UVSSA: variants seen among roughly 807,000 people sequenced by gnomAD.
UVSSA encodes the protein UV-stimulated scaffold protein A.
Under a neutral mutation model 73.9 loss-of-function variants are expected in UVSSA, and 72 were observed. That is an observed-to-expected ratio of 0.97 (90% CI 0.81 to 1.19). UVSSA has a LOEUF of 1.19. Among genes scored for constraint, UVSSA ranks in the 50% most tolerant of loss-of-function variants. The pLI, the probability that UVSSA is intolerant of heterozygous loss-of-function variation, is 0.00. For missense variants in UVSSA, 1,150 were observed against 965.0 expected (o/e 1.19, Z -2.54); for synonymous variants, 454 against 391.3 (o/e 1.16, Z -1.89).
intron 2 of UVSSA, 22 bp downstream of exon 2, chr4:1,348,211 C>T: frequency 2.5e-6 from 4 of 1,573,606 alleles, no homozygotes; most frequent in Middle Eastern, 1.7e-4. Flanking sequence ...GGTTCAGTAA[C>T]AGTAACTGAC....
chr4:1,353,007 C>T (rs762126831), intron 4 of UVSSA, 23 bp from the exon 5 acceptor site: 3 of 1,593,250 alleles, frequency 1.9e-6, no homozygotes, highest in Admixed American at 3.4e-5. Flanking sequence ...GCGCAGCAAA[C>T]AGGTGTCTTG....
chr4:1,357,727 C>T (rs907198021), intron 7 of UVSSA, among the ~76,000 whole-genome samples: 5 of 152,254 alleles, frequency 3.3e-5, no homozygotes, highest in African/African-American at 7.2e-5. Flanking sequence ...TGGCTCCTGC[C>T]GTGTGTGGGC....
upstream of UVSSA, among the ~76,000 whole-genome samples, chr4:1,345,766 G>A (rs949872907): frequency 2.0e-5 from 3 of 152,088 alleles, no homozygotes; most frequent in Non-Finnish European, 1.5e-5. Context: ...CCCCGGGGCA[G>A]TGTAAAGGAG....
At chr4:1,343,642 C>T (rs6815180), upstream of UVSSA, among the ~76,000 whole-genome samples, 2,998 of 152,218 alleles carry the variant, frequency 0.02, 108 homozygotes, top group African/African-American at 0.067. Flanking sequence ...CACAAATTAG[C>T]CAGGCGTGGT....
intron 7 of UVSSA, among the ~76,000 whole-genome samples, chr4:1,360,178 C>T (rs566165349): frequency 6.6e-4 from 100 of 152,332 alleles, no homozygotes; most frequent in Non-Finnish European, 1.2e-3. Flanking sequence ...GGGCTGCCCA[C>T]GGGGGGCGGG....
At chr4:1,363,836 T>C (rs371140484) in intron 7 of UVSSA, among the ~76,000 whole-genome samples, 1 of 152,258 alleles carries the variant, frequency 6.6e-6, no homozygotes, top group Non-Finnish European at 1.5e-5. Flanking sequence ...GTTAGACTGA[T>C]AACAAAAATT....
At position 1,354,857 on chromosome 4, in the gene UVSSA, G is replaced by A. The variant is rs530937096; in HGVS notation, c.1047+10G>A. 3.5e-5 allele frequency: 56 copies of A among 1,583,938 alleles called. No homozygotes were observed. The Middle Eastern group carries it at 5.1e-4, about 14-fold the overall frequency. ...GTGCTCGTGGATCCAGGTGAGCCTCGAACCTGGGACCTGTGGGTGGAGGGA... is the reference window on the plus strand; with the variant it reads ...GTGCTCGTGGATCCAGGTGAGCCTCAAACCTGGGACCTGTGGGTGGAGGGA... On this transcript the variant is annotated intron_variant, in intron 6 of 13. Transcript: ENST00000389851.
rs1234873219 is a variant in UVSSA, at chr4:1,347,899, A to C, written c.-3+139A>C. The C allele has an allele frequency of 2.5e-5, 15 of 590,562 alleles. No individual in the cohort carries two copies. The Admixed American group carries it at 4.5e-4, about 18-fold the overall frequency. 36.6% of individuals were successfully genotyped at this position (590,562 alleles called of 1,614,324 possible). On this transcript the variant is annotated intron_variant, in intron 1 of 13. Coordinates refer to ENST00000389851, the MANE Select transcript of UVSSA (RefSeq NM_020894.4). Reference sequence around the variant, plus strand: ...GTCCCGAGTTTAAGGTTCACTTTTAAAACTGCAATCACCGCCGTAAAGGCC... The same window carrying C: ...GTCCCGAGTTTAAGGTTCACTTTTACAACTGCAATCACCGCCGTAAAGGCC...
rs558497344 is a variant in UVSSA at position 1,360,186 on chromosome 4, G to A, written c.1176+4941G>A. On this transcript the variant is annotated intron_variant, in intron 7 of 13. Coordinates refer to ENST00000389851, the MANE Select transcript of UVSSA (RefSeq NM_020894.4). ...ATCCCAAGGGCTGCCCACGGGGGGCGGGGTGCAGATACACAGGTTCTCTGG... is the reference window on the plus strand; with the variant it reads ...ATCCCAAGGGCTGCCCACGGGGGGCAGGGTGCAGATACACAGGTTCTCTGG... Among the ~76,000 whole-genome samples, 12 of 152,344 alleles carry A rather than the reference G, an allele frequency of 7.9e-5. No individual in the cohort carries two copies. In the South Asian group the frequency reaches 1.7e-3, roughly 21 times the overall value.
intron 4 of UVSSA, 69 bp downstream of exon 4, chr4:1,351,904 C>T: frequency 6.3e-7 from 1 of 1,582,016 alleles, no homozygotes; most frequent in Non-Finnish European, 8.6e-7. Flanking sequence ...AGTTCATCCT[C>T]CTGGTCCCAG....
chr4:1,395,151 C>G lies in UVSSA; in HGVS notation c.*9190C>G, dbSNP rs748445293. ...TGGAGTGCCTGCCTGCTCACACGTG[C>G]CCATGTGGAGTGTTCGCCTGCTCAC... On this transcript the variant is annotated 3_prime_UTR_variant, in exon 14 of 14. Transcript: ENST00000511216. 3 of 1,309,572 alleles carry G rather than the reference C, an allele frequency of 2.3e-6. 1 individual carries two copies. The highest frequency in any genetic ancestry group is 3.2e-6 in the Non-Finnish European group (3 of 949,954). The allele number at this position is 1,309,572 out of a possible 1,614,324, so 81.1% of individuals were successfully genotyped here.
chr4:1,363,564 A>T (rs2109177509), intron 7 of UVSSA, among the ~76,000 whole-genome samples: 1 of 152,268 alleles, frequency 6.6e-6, no homozygotes, highest in Admixed American at 6.5e-5. Context: ...AAAACACATA[A>T]ATTCTGTTTA....
chr4:1,344,755 A>C (rs1713554796), upstream of UVSSA, among the ~76,000 whole-genome samples: 1 of 152,216 alleles, frequency 6.6e-6, no homozygotes, highest in Admixed American at 6.5e-5. Flanking sequence ...GTGTGACACA[A>C]GGGCCAGAAG....
Position 1,380,863 on chromosome 4 carries a change from G to A in UVSSA, c.1753-17G>A, listed in dbSNP as rs376143921. ...GGACCCCTCCCCGCCATCAGCCACC[G>A]TGTCCTCGCTGTGCAGTGCCCTTTC... is the stretch of plus-strand genomic sequence containing the variant. On this transcript the variant is annotated splice_polypyrimidine_tract_variant and intron_variant, in intron 11 of 13. Transcript: ENST00000389851. The A allele has an allele frequency of 1.5e-5, 24 of 1,607,296 alleles. No individual in the cohort carries two copies. The highest frequency in any genetic ancestry group is 1.3e-4 in the South Asian group (12 of 90,784).
rs1368463718 is a variant in UVSSA at position 1,394,446 on chromosome 4, A to G, written c.*8485A>G. The G allele has an allele frequency of 3.7e-6, 6 of 1,605,416 alleles. No individual in the cohort carries two copies. In the Admixed American group the frequency reaches 1.0e-4, roughly 27 times the overall value. On this transcript the variant is annotated 3_prime_UTR_variant, in exon 14 of 14. Transcript: ENST00000511216. ...TTGATCTACTTCTAGTTTTTGATAC[A>G]AAATGTGAGCCAGGAAACCCAGTTT...
chr4:1,356,042 A>G (rs1183749333), intron 7 of UVSSA, among the ~76,000 whole-genome samples: 1 of 152,142 alleles, frequency 6.6e-6, no homozygotes, highest in Non-Finnish European at 1.5e-5. Context: ...CTGGAGGTAC[A>G]CAGCGGCCAC....
downstream of UVSSA, chr4:1,390,009 T>C (rs1191665491): frequency 6.6e-6 from 1 of 152,182 alleles, no homozygotes; most frequent in East Asian, 1.9e-4. Context: ...TTATTTCCTT[T>C]GGGTTGCTTT....
exon 14 of UVSSA, chr4:1,394,958 AC>A: frequency 6.5e-7 from 1 of 1,546,156 alleles, no homozygotes; most frequent in African/African-American, 1.7e-5. Flanking sequence ...CCGCCTGCTC[AC>A]ACGTGCCCAT....
chr4:1,395,687 A>T (rs759944860), exon 14 of UVSSA: 1 of 1,611,838 alleles, frequency 6.2e-7, no homozygotes, highest in African/African-American at 1.3e-5. Context: ...GCCCATGTGG[A>T]GTGCCCGCCT....
Sources: gnomAD v4.1 joint callset for allele counts (sites outside exome capture counted in the v4.1 genomes callset) on GRCh38, gnomAD v4.1.1 for gene constraint, MANE v1.5 for transcripts, NCBI Gene and HGNC (gene_info 2026-07-23, HGNC 2026-07-21) for gene names.